The following MSH3 variants were observed in gnomAD, a reference collection of about 807,000 sequenced individuals.
The protein encoded by MSH3 is DNA mismatch repair protein Msh3.
MSH3 carries 106 observed loss-of-function variants against 123.3 expected under a neutral mutation model. The observed-to-expected ratio is 0.86, with a 90% CI of 0.73 to 1.01. MSH3 has a LOEUF of 1.01. MSH3 is among the 50% of genes least tolerant of loss of function. The probability of loss-of-function intolerance (pLI) is 0.00; values close to 1 mark genes in which losing one functional copy is unlikely to be tolerated. For synonymous variants in MSH3, 515 were observed against 481.4 expected (o/e 1.07, Z -0.91); for missense variants, 1,459 against 1,347.6 (o/e 1.08, Z -1.29).
At chr5:80,857,319 T>C (rs937798270) in intron 21 of MSH3, among the ~76,000 whole-genome samples, 1 of 152,220 alleles carries the variant, frequency 6.6e-6, no homozygotes, top group East Asian at 1.9e-4. Flanking sequence ...TTGAGGATTT[T>C]TGCATCTATG....
intron 8 of MSH3, among the ~76,000 whole-genome samples, chr5:80,680,457 G>C (rs1431459466): frequency 6.6e-6 from 1 of 150,656 alleles, no homozygotes; most frequent in East Asian, 1.9e-4. Flanking sequence ...GTTGAATTCT[G>C]TAACCCAGAG....
chr5:80,751,857 C>A (rs1258179959), intron 12 of MSH3, among the ~76,000 whole-genome samples: 1 of 152,078 alleles, frequency 6.6e-6, no homozygotes, highest in Non-Finnish European at 1.5e-5. Flanking sequence ...AGATTTTCTT[C>A]CTTTTGGCAC....
At chr5:80,795,170 T>C (rs1744675693) in intron 19 of MSH3, among the ~76,000 whole-genome samples, 1 of 151,970 alleles carries the variant, frequency 6.6e-6, no homozygotes, top group Admixed American at 6.6e-5. Flanking sequence ...GTGGCAGAGA[T>C]GTGTGGCATG....
In MSH3 at chr5:80,755,639, G is replaced by A. The variant is rs531605265; in HGVS notation, c.1764-5907G>A. Among the ~76,000 whole-genome samples the A allele has an allele frequency of 2.2e-4, 34 of 152,186 alleles. No individual in the cohort carries two copies. In the South Asian group the frequency reaches 6.8e-3, roughly 31 times the overall value. Reference sequence around the variant, plus strand: ...TGCTGAATCTGTATTTAAAACATAAGGGAAGAACTGAGGGAACAGATGGAA... The same window carrying A: ...TGCTGAATCTGTATTTAAAACATAAAGGAAGAACTGAGGGAACAGATGGAA... On this transcript the variant is annotated intron_variant, in intron 12 of 23. Coordinates refer to ENST00000265081, the MANE Select transcript of MSH3 (RefSeq NM_002439.5).
chr5:80,840,375 C>G (rs975231126), intron 20 of MSH3, among the ~76,000 whole-genome samples: 2 of 152,116 alleles, frequency 1.3e-5, no homozygotes, highest in African/African-American at 2.4e-5. Context: ...TTCACTTCTT[C>G]CATTTCGACT....
At chr5:80,790,714 G>A (rs1744592663) in intron 18 of MSH3, among the ~76,000 whole-genome samples, 1 of 152,162 alleles carries the variant, frequency 6.6e-6, no homozygotes, top group African/African-American at 2.4e-5. Flanking sequence ...CACAGTTGGA[G>A]TCTGCTTCTA....
intron 20 of MSH3, among the ~76,000 whole-genome samples, chr5:80,822,860 A>T (rs1396563124): frequency 6.6e-6 from 1 of 152,214 alleles, no homozygotes; most frequent in Non-Finnish European, 1.5e-5. Context: ...ACATGCCTTT[A>T]TCTCATGACT....
intron 17 of MSH3, among the ~76,000 whole-genome samples, chr5:80,779,541 T>A (rs1212426411): frequency 2.0e-5 from 3 of 151,286 alleles, no homozygotes; most frequent in Non-Finnish European, 4.4e-5. Flanking sequence ...CTAAAAAAAA[T>A]TAACATTAAT....
chr5:80,694,743 A>G (rs1005362302), intron 8 of MSH3, among the ~76,000 whole-genome samples: 4 of 151,982 alleles, frequency 2.6e-5, no homozygotes, highest in Non-Finnish European at 5.9e-5. Context: ...TTTGCCAGGC[A>G]TGGGATTCTG....
chr5:80,769,124 C>T (rs1744173964), intron 15 of MSH3, 121 bp downstream of exon 15: 1 of 867,824 alleles, frequency 1.2e-6, no homozygotes, highest in East Asian at 2.7e-5. Context: ...CTGTTTTATT[C>T]CTTGGAAATA....
At chr5:80,854,068 A>G (rs1359472428) in intron 20 of MSH3, 62 bp from the exon 21 acceptor site, 6 of 1,289,756 alleles carry the variant, frequency 4.7e-6, no homozygotes, top group African/African-American at 3.0e-5. Flanking sequence ...TCATAAAATA[A>G]TGTTCGGCTT....
intron 20 of MSH3, among the ~76,000 whole-genome samples, chr5:80,818,939 C>T (rs575317759): frequency 3.5e-4 from 54 of 152,220 alleles, no homozygotes; most frequent in Middle Eastern, 3.4e-3. Context: ...TAAGATCCCT[C>T]GTGTAGGATA....
At chr5:80,851,646 A>C (rs1745832605) in intron 20 of MSH3, among the ~76,000 whole-genome samples, 1 of 152,184 alleles carries the variant, frequency 6.6e-6, no homozygotes, top group South Asian at 2.1e-4. Context: ...GATGACATAT[A>C]TGTAAAGCCA....
At chr5:80,711,119 G>A (rs1431595403) in intron 8 of MSH3, among the ~76,000 whole-genome samples, 2 of 152,128 alleles carry the variant, frequency 1.3e-5, no homozygotes, top group Non-Finnish European at 2.9e-5. Context: ...AGAACAACAC[G>A]AGTTTACCTA....
intron 8 of MSH3, among the ~76,000 whole-genome samples, chr5:80,718,541 A>C (rs936887396): frequency 3.2e-5 from 3 of 92,606 alleles, no homozygotes; most frequent in South Asian, 3.8e-4. Context: ...TTTCTTGTGG[A>C]GTTTTCCAAA....
In MSH3 at chr5:80,851,556, A is replaced by G. The variant is rs533590688; in HGVS notation, c.2814-2574A>G. Among the ~76,000 whole-genome samples the G allele has an allele frequency of 2.0e-5, 3 of 152,180 alleles. No individual in the cohort carries two copies. The South Asian group carries it at 6.2e-4, about 32-fold the overall frequency. On this transcript the variant is annotated intron_variant, in intron 20 of 23. Coordinates refer to ENST00000265081, the MANE Select transcript of MSH3 (RefSeq NM_002439.5). The stretch of plus-strand genomic sequence containing the variant: ...ATTTTGGGAATGTTAAGTGCTCATT[A>G]TAATTACTGTAAGTTTTTTCTCAGT...
intron 22 of MSH3, among the ~76,000 whole-genome samples, chr5:80,872,576 AG>A (rs1228383132): frequency 6.6e-6 from 1 of 152,126 alleles, no homozygotes; most frequent in African/African-American, 2.4e-5. Context: ...GAGGCCAAGG[AG>A]GGAGGATTGT....
intron 20 of MSH3, among the ~76,000 whole-genome samples, chr5:80,833,461 T>G (rs1478464685): frequency 1.3e-5 from 2 of 152,238 alleles, no homozygotes; most frequent in African/African-American, 4.8e-5. Flanking sequence ...TTTTTTGTTT[T>G]GAGATGGAGT....
intron 10 of MSH3, among the ~76,000 whole-genome samples, chr5:80,730,344 A>G (rs1438604747): frequency 6.6e-6 from 1 of 152,214 alleles, no homozygotes; most frequent in Non-Finnish European, 1.5e-5. Context: ...AAGAATATAT[A>G]TGTAGTTAGA....
Sources: gnomAD v4.1 joint callset for allele counts (sites outside exome capture counted in the v4.1 genomes callset) on GRCh38, gnomAD v4.1.1 for gene constraint, MANE v1.5 for transcripts, NCBI Gene and HGNC (gene_info 2026-07-23, HGNC 2026-07-21) for gene names.